NOCT: variants seen among roughly 807,000 people sequenced by gnomAD.
NOCT encodes the protein nocturnin.
In NOCT, 18 loss-of-function variants were observed where a neutral mutation model predicts 35.0. That is an observed-to-expected ratio of 0.51 (90% CI 0.36 to 0.76). NOCT has a LOEUF of 0.76. Ranked by LOEUF, NOCT falls within the 30% of genes least tolerant of loss-of-function variation. NOCT has a pLI of 0.01. For synonymous variants in NOCT, 235 were observed against 226.3 expected (o/e 1.04, Z -0.34); for missense variants, 479 against 541.0 (o/e 0.89, Z 1.14).
At chr4:139,038,283 C>T (rs1446335252) in intron 1 of NOCT, among the ~76,000 whole-genome samples, 1 of 151,988 alleles carries the variant, frequency 6.6e-6, no homozygotes, top group African/African-American at 2.4e-5. Context: ...AGTCATAGAA[C>T]TGGGACTAGA....
intron 1 of NOCT, among the ~76,000 whole-genome samples, chr4:139,023,598 C>T (rs1346253403): frequency 6.6e-6 from 1 of 152,096 alleles, no homozygotes; most frequent in African/African-American, 2.4e-5. Flanking sequence ...CGGGTTCAAG[C>T]GATTCTCCTG....
At chr4:139,022,468 G>T (rs1053676607) in intron 1 of NOCT, among the ~76,000 whole-genome samples, 1 of 152,242 alleles carries the variant, frequency 6.6e-6, no homozygotes, top group African/African-American at 2.4e-5. Flanking sequence ...AAAAAAATGC[G>T]TGGGTCCCAT....
intron 1 of NOCT, among the ~76,000 whole-genome samples, chr4:139,036,819 G>A (rs1279102574): frequency 6.6e-6 from 1 of 152,214 alleles, no homozygotes; most frequent in Non-Finnish European, 1.5e-5. Flanking sequence ...CAAGGACTAT[G>A]GGATTGGATT....
rs951218161 is a variant in NOCT, at chr4:139,028,964, G to A, written c.190+12793G>A. On this transcript the variant is annotated intron_variant, in intron 1 of 2. Transcript: ENST00000280614. ...AGCAATTCTCCTGTCTCAGCCTCCC[G>A]AGTAGCTGAGATTACAGGCACCCAC... Among the ~76,000 whole-genome samples, 7 of 151,364 alleles carry A rather than the reference G, an allele frequency of 4.6e-5. No individual in the cohort carries two copies. The South Asian group carries it at 1.4e-3, about 31-fold the overall frequency.
At chr4:139,043,517 TCA>T in intron 2 of NOCT, 174 bp downstream of exon 2, 1 of 572,388 alleles carries the variant, frequency 1.7e-6, no homozygotes, top group Non-Finnish European at 3.0e-6. Flanking sequence ...CATCTGGTTT[TCA>T]CTTTTTTTTT....
Position 139,038,228 on chromosome 4 carries a change from A to T in NOCT, c.191-4846A>T, listed in dbSNP as rs928429593. ...ATAAATAAATAAATAAATAAATTTT[A>T]AAAAGTTAGGTAAGCAGGTCTAGAG... On this transcript the variant is annotated intron_variant, in intron 1 of 2. Coordinates refer to ENST00000280614, the MANE Select transcript of NOCT (RefSeq NM_012118.4). Among the ~76,000 whole-genome samples, 3 of 151,446 alleles carry T rather than the reference A, an allele frequency of 2.0e-5. No homozygotes were observed. The South Asian group carries it at 6.3e-4, about 32-fold the overall frequency.
chr4:139,038,196 C>CAAAT (rs547458958), intron 1 of NOCT, among the ~76,000 whole-genome samples: 2,265 of 150,632 alleles, frequency 0.015, 54 homozygotes, highest in African/African-American at 0.049. Context: ...GAGACTGTCT[C>CAAAT]AAATAAATAA....
rs530444657 is a variant in NOCT, at chr4:139,017,292, A to G, written c.190+1121A>G. 3.3e-4 allele frequency among the ~76,000 whole-genome samples: 45 copies of G among 137,604 alleles called. 1 individual carries two copies. Among genetic ancestry groups the G allele is most frequent in the African/African-American group, 1.2e-3 (43 of 36,256 alleles). 90.3% of individuals were successfully genotyped at this position (137,604 alleles called of 152,430 possible). On this transcript the variant is annotated intron_variant, in intron 1 of 2. Transcript: ENST00000280614. ...TCCCAGGCTGGAGTGCAATGGCGCG[A>G]TCTCGGCTCACCGCAACCTCTGCCT...
rs1726907746 is a variant in NOCT, at chr4:139,045,091, C to T, written c.913C>T (p.Leu305Phe). 2 of 1,614,216 alleles carry T rather than the reference C, an allele frequency of 1.2e-6. No homozygotes were observed. The highest frequency in any genetic ancestry group is 1.7e-6 in the Non-Finnish European group (2 of 1,180,032). ...TCGATCAGCTCAAGGCTGTGACCTC[C>T]TTCAGAACCTGCAAAACATCACCCA... ...RFRSAQGCDL[L>F]QNLQNITQGA... Residue 305 changes from leucine (L) to phenylalanine (F), a missense_variant, in exon 3 of 3, where the codon CTT (leucine) becomes TTT (phenylalanine). This residue lies in a region of NOCT where 214 missense variants were observed against 284.0 expected (regional missense o/e 0.75). Coordinates refer to ENST00000280614, the MANE Select transcript of NOCT (RefSeq NM_012118.4).
At chr4:139,023,100 C>CAA (rs536523341) in intron 1 of NOCT, among the ~76,000 whole-genome samples, 1 of 134,748 alleles carries the variant, frequency 7.4e-6, no homozygotes. Context: ...GACTCCATCT[C>CAA]AAAAAAAAAA....
chr4:139,042,672 T>G (rs1036747584), intron 1 of NOCT, among the ~76,000 whole-genome samples: 6 of 152,080 alleles, frequency 3.9e-5, no homozygotes, highest in Non-Finnish European at 5.9e-5. Context: ...TCCCAGCACT[T>G]TGGGAGGCCG....
chr4:139,033,429 G>A, intron 1 of NOCT, among the ~76,000 whole-genome samples: 1 of 151,878 alleles, frequency 6.6e-6, no homozygotes. Context: ...CCAGCACTTT[G>A]AGAGGCTGAG....
intron 1 of NOCT, chr4:139,028,041 A>G (rs1726556977): frequency 6.6e-6 from 1 of 152,014 alleles, no homozygotes; most frequent in Non-Finnish European, 1.5e-5. Context: ...TTCCACTCAC[A>G]CTGTAAAAAC....
chr4:139,024,151 C>G (rs528116869), intron 1 of NOCT, among the ~76,000 whole-genome samples: 1 of 150,670 alleles, frequency 6.6e-6, no homozygotes, highest in African/African-American at 2.4e-5. Context: ...ACCTCCAACT[C>G]CTGGGCTGAA....
chr4:139,021,215 T>C (rs1311599858), intron 1 of NOCT, among the ~76,000 whole-genome samples: 1 of 152,002 alleles, frequency 6.6e-6, no homozygotes, highest in Non-Finnish European at 1.5e-5. Context: ...TTGCCCAGGC[T>C]GGTCTCGAAA....
rs144952738 is a variant in NOCT, at chr4:139,044,828, T to A, written c.650T>A (p.Phe217Tyr). The A allele has an allele frequency of 9.9e-6, 16 of 1,614,108 alleles. No homozygotes were observed. The highest frequency in any genetic ancestry group is 1.3e-5 in the African/African-American group (1 of 74,938). The change falls in exon 3 of 3, where the codon TTC becomes TAC. Residue 217 changes from phenylalanine (F) to tyrosine (Y), a missense_variant. Phe to Tyr is a conservative substitution (Grantham distance 22, BLOSUM62 3). Around this residue, in one of 2 missense-constraint regions of NOCT, gnomAD observed 214 missense variants for 284.0 expected, o/e 0.75. Coordinates refer to ENST00000280614, the MANE Select transcript of NOCT (RefSeq NM_012118.4). ...LSRLGYQGTF[F>Y]PKPWSPCLDV... ...AGACTAGGCTATCAAGGCACGTTTT[T>A]CCCCAAACCCTGGTCACCTTGTCTA... is the stretch of plus-strand genomic sequence containing the variant.
At chr4:139,033,524 T>C (rs962871882) in intron 1 of NOCT, among the ~76,000 whole-genome samples, 15 of 151,948 alleles carry the variant, frequency 9.9e-5, no homozygotes, top group African/African-American at 2.7e-4. Flanking sequence ...AAAATTCTTT[T>C]AATTAGCCAG....
At chr4:139,024,895 C>T (rs965693205) in intron 1 of NOCT, among the ~76,000 whole-genome samples, 1 of 152,174 alleles carries the variant, frequency 6.6e-6, no homozygotes, top group Non-Finnish European at 1.5e-5. Context: ...TGAGCCACCG[C>T]GCCCAGCCAG....
chr4:139,015,927 A>G lies in NOCT; in HGVS notation c.-55A>G. 7.8e-6 allele frequency: 10 copies of G among 1,275,186 alleles called. No individual in the cohort carries two copies. The highest frequency in any genetic ancestry group is 9.9e-6 in the Non-Finnish European group (10 of 1,006,418). 79.0% of individuals were successfully genotyped at this position (1,275,186 alleles called of 1,614,324 possible). A position where few individuals can be genotyped will look rare whatever the true frequency, so the allele number is the denominator to read the frequency against. ...GGCTCGACTCGGTGCCCTCGGCCCC[A>G]GCCGGGCTCCGCTCCTCGGGCGCGC... On this transcript the variant is annotated 5_prime_UTR_variant, in exon 1 of 3. Transcript: ENST00000280614.
Sources: allele counts gnomAD v4.1 joint callset (sites outside exome capture counted in the v4.1 genomes callset), GRCh38; gene constraint gnomAD v4.1.1; regional missense constraint gnomAD v4.1.1; transcripts MANE v1.5; gene names NCBI Gene and HGNC (gene_info 2026-07-23, HGNC 2026-07-21).